The following TMPO variants were observed in gnomAD, a reference collection of about 807,000 sequenced individuals.
The protein encoded by TMPO is thymopoietin.
TMPO carries 22 observed loss-of-function variants against 45.4 expected under a neutral mutation model. That is an observed-to-expected ratio of 0.48 (90% CI 0.35 to 0.69). The LOEUF (loss-of-function observed/expected upper bound fraction) is 0.69, where lower values mean the gene tolerates loss of function less well. Ranked by LOEUF, TMPO falls within the 30% of genes least tolerant of loss-of-function variation. The pLI is 0.01. For missense variants in TMPO, 512 were observed against 548.8 expected (o/e 0.93, Z 0.67); for synonymous variants, 241 against 204.1 (o/e 1.18, Z -1.54).
chr12:98,547,410 T>A (rs1878291277), intron 8 of TMPO, among the ~76,000 whole-genome samples, 163 bp from the exon 9 acceptor site: 2 of 152,230 alleles, frequency 1.3e-5, no homozygotes, highest in Admixed American at 6.5e-5. Context: ...TGTAGAAGTT[T>A]TAAATAGGTT....
chr12:98,531,187 G>A (rs1003018838), intron 2 of TMPO, among the ~76,000 whole-genome samples: 5 of 148,986 alleles, frequency 3.4e-5, no homozygotes, highest in African/African-American at 4.9e-5. Flanking sequence ...TGATCCACCC[G>A]CCTTGGCCTC....
chr12:98,545,095 T>G, intron 7 of TMPO, 34 bp downstream of exon 7: 2 of 1,420,930 alleles, frequency 1.4e-6, no homozygotes, highest in Non-Finnish European at 9.9e-7. Context: ...ATGCTATCAT[T>G]GATCTTTCAA....
At chr12:98,516,262 C>T (rs1329650120) in intron 1 of TMPO, 116 bp downstream of exon 1, 54 of 1,270,772 alleles carry the variant, frequency 4.2e-5, no homozygotes, top group Non-Finnish European at 5.3e-5. Flanking sequence ...AGGTGCGGGG[C>T]TGTCCCTGCG....
intron 1 of TMPO, among the ~76,000 whole-genome samples, chr12:98,520,116 C>T (rs1487831397): frequency 6.6e-6 from 1 of 150,978 alleles, no homozygotes; most frequent in Non-Finnish European, 1.5e-5. Flanking sequence ...CCCACCACTG[C>T]GCCCGGCTAA....
intron 1 of TMPO, among the ~76,000 whole-genome samples, chr12:98,519,026 C>T (rs1464591553): frequency 1.3e-5 from 2 of 151,810 alleles, no homozygotes; most frequent in Non-Finnish European, 2.9e-5. Context: ...GGACTACAGG[C>T]GCCCGCCACC....
At chr12:98,546,326 C>CT in intron 7 of TMPO, 33 bp from the exon 8 acceptor site, 1 of 1,422,718 alleles carries the variant, frequency 7.0e-7, no homozygotes, top group South Asian at 1.1e-5. Flanking sequence ...TAAATTTTAA[C>CT]TTGTGGTTGT....
At chr12:98,546,275 T>C (rs1878221925) in intron 7 of TMPO, 84 bp from the exon 8 acceptor site, 4 of 945,454 alleles carry the variant, frequency 4.2e-6, no homozygotes, top group Admixed American at 3.4e-5. Flanking sequence ...TTTTGTTCTC[T>C]AAAACTTACT....
chr12:98,539,552 C>G (rs774551787), intron 4 of TMPO, among the ~76,000 whole-genome samples: 10 of 148,772 alleles, frequency 6.7e-5, no homozygotes, highest in Non-Finnish European at 4.4e-5. Flanking sequence ...GGCTCACTTG[C>G]AACCTCCGCC....
In TMPO at chr12:98,534,623, C is replaced by T. The variant is rs189841238; in HGVS notation, c.565+2785C>T. The T allele has an allele frequency of 1.1e-4, 130 of 1,206,724 alleles. 1 individual carries two copies. In the East Asian group the frequency reaches 5.8e-3, roughly 54 times the overall value. 74.8% of individuals were successfully genotyped at this position (1,206,724 alleles called of 1,614,324 possible). A position where few individuals can be genotyped will look rare whatever the true frequency, so the allele number is the denominator to read the frequency against. ...GTTTCCTGCTTTACTTATGTTTTTA[C>T]AATTCTCCAAAACTAAGAAAATTCT... is the stretch of plus-strand genomic sequence containing the variant. On this transcript the variant is annotated intron_variant, in intron 3 of 8. Coordinates refer to ENST00000556029, the MANE Select transcript of TMPO (RefSeq NM_001032283.3).
At chr12:98,530,930 A>C (rs1341071108) in intron 2 of TMPO, among the ~76,000 whole-genome samples, 5 of 152,216 alleles carry the variant, frequency 3.3e-5, no homozygotes, top group Admixed American at 6.5e-5. Flanking sequence ...CATGCTATTA[A>C]AAGAAATGTC....
intron 1 of TMPO, among the ~76,000 whole-genome samples, chr12:98,522,329 C>A (rs1156701478): frequency 6.6e-6 from 1 of 152,014 alleles, no homozygotes; most frequent in Non-Finnish European, 1.5e-5. Flanking sequence ...TATGAATTCT[C>A]AATAGGAAAT....
Position 98,537,545 on chromosome 12 carries a change from C to G in TMPO, c.636C>G (p.Leu212=), listed in dbSNP as rs371253652. The change falls in exon 4 of 9, where the codon CTC becomes CTG. Residue 212 remains leucine (L), a synonymous_variant. Coordinates refer to ENST00000556029, the MANE Select transcript of TMPO (RefSeq NM_001032283.3). ...LKGRAKTPVT[L]KQRRVEHNQS... Reference sequence around the variant, plus strand: ...GCAGAGCAAAGACTCCAGTAACACTCAAGCAAAGAAGAGTTGAGCACAATC... The same window carrying G: ...GCAGAGCAAAGACTCCAGTAACACTGAAGCAAAGAAGAGTTGAGCACAATC... 150 of 1,613,228 alleles carry G rather than the reference C, an allele frequency of 9.3e-5. No homozygotes were observed. Among genetic ancestry groups the G allele is most frequent in the African/African-American group, 1.9e-4 (14 of 74,890 alleles).
At chr12:98,516,194 C>G (rs1194984997) in intron 1 of TMPO, 48 bp downstream of exon 1, 4 of 1,319,142 alleles carry the variant, frequency 3.0e-6, no homozygotes, top group Non-Finnish European at 3.8e-6. Flanking sequence ...TGGCGGTTGC[C>G]GCGCGCGCTC....
intron 1 of TMPO, 85 bp downstream of exon 1, chr12:98,516,231 G>T: frequency 7.6e-7 from 1 of 1,307,440 alleles, no homozygotes; most frequent in Non-Finnish European, 9.7e-7. Flanking sequence ...CCTCCCTCCC[G>T]GGCGCCCCCT....
At chr12:98,526,841 T>C (rs1034824382) in intron 1 of TMPO, among the ~76,000 whole-genome samples, 1 of 151,796 alleles carries the variant, frequency 6.6e-6, no homozygotes, top group African/African-American at 2.4e-5. Context: ...ACCTGTACTC[T>C]CAGCTACTCG....
chr12:98,537,420 A>G (rs2121224480), intron 3 of TMPO, 55 bp from the exon 4 acceptor site: 5 of 1,411,108 alleles, frequency 3.5e-6, no homozygotes, highest in Non-Finnish European at 5.0e-6. Context: ...TTAGGATAAC[A>G]TCATCATTTA....
intron 1 of TMPO, among the ~76,000 whole-genome samples, chr12:98,524,996 A>G (rs1353859789): frequency 1.3e-5 from 2 of 152,230 alleles, no homozygotes; most frequent in Non-Finnish European, 2.9e-5. Context: ...AGTGGGGATT[A>G]TGTACAAATA....
intron 4 of TMPO, among the ~76,000 whole-genome samples, chr12:98,542,514 A>T (rs1431919986): frequency 6.7e-6 from 1 of 149,830 alleles, no homozygotes; most frequent in African/African-American, 2.5e-5. Context: ...AGAATCTCAG[A>T]TTATAAAACT....
chr12:98,516,933 C>T (rs1334482235), intron 1 of TMPO, among the ~76,000 whole-genome samples: 1 of 152,184 alleles, frequency 6.6e-6, no homozygotes, highest in Non-Finnish European at 1.5e-5. Context: ...CCTCAGCCTC[C>T]CGAGTAGCTG....
Sources: allele counts gnomAD v4.1 joint callset (sites outside exome capture counted in the v4.1 genomes callset), GRCh38; gene constraint gnomAD v4.1.1; transcripts MANE v1.5; gene names NCBI Gene and HGNC (gene_info 2026-07-23, HGNC 2026-07-21).